The following REV3L variants were observed in gnomAD, a reference collection of about 807,000 sequenced individuals.
The protein encoded by REV3L is DNA polymerase zeta catalytic subunit.
A neutral mutation model predicts 299.4 loss-of-function variants in REV3L; 69 were observed. That is an observed-to-expected ratio of 0.23 (90% confidence interval 0.19 to 0.28). The LOEUF is 0.28. Among genes scored for constraint, REV3L ranks in the 10% least tolerant of loss-of-function variants. The pLI is 1.00. For synonymous variants in REV3L, 1,238 were observed against 1,271.4 expected (o/e 0.97, Z 0.56); for missense variants, 3,128 against 3,693.8 (o/e 0.85, Z 3.97).
chr6:111,304,870 C>A (rs187839476), intron 31 of REV3L, among the ~76,000 whole-genome samples: 4 of 151,452 alleles, frequency 2.6e-5, no homozygotes, highest in African/African-American at 9.7e-5. Flanking sequence ...TCTGTTTCTG[C>A]GTTAATTTGC....
In REV3L at chr6:111,299,397, T is replaced by A. The variant is rs1771225826; in HGVS notation, c.*619A>T. The A allele has an allele frequency of 1.5e-5, 1 of 68,754 alleles. No individual in the cohort carries two copies. The highest frequency in any genetic ancestry group is 4.5e-5 in the Non-Finnish European group (1 of 22,304). 4.3% of individuals were successfully genotyped at this position (68,754 alleles called of 1,614,324 possible). ...CATTAATAGCTAAAGCAAGACAGCA[T>A]TTTTTAAAAAAAAATAATGTTTCAA... On this transcript the variant is annotated 3_prime_UTR_variant, in exon 32 of 32. Coordinates refer to ENST00000368802, the MANE Select transcript of REV3L (RefSeq NM_001372078.1).
intron 4 of REV3L, among the ~76,000 whole-genome samples, chr6:111,397,234 T>TAGGCAC (rs966007741): frequency 1.1e-4 from 17 of 152,200 alleles, no homozygotes; most frequent in African/African-American, 3.4e-4. Context: ...TTTTTTGATA[T>TAGGCAC]AGGCACCTAT....
At chr6:111,307,179 T>A (rs897287692) in intron 31 of REV3L, among the ~76,000 whole-genome samples, 182 bp downstream of exon 31, 1 of 152,212 alleles carries the variant, frequency 6.6e-6, no homozygotes, top group Non-Finnish European at 1.5e-5. Context: ...AAAAATAAAT[T>A]ATAAAACAAA....
Position 111,309,781 on chromosome 6 carries a change from C to T in REV3L, c.9042+72G>A, listed in dbSNP as rs965801730. The T allele has an allele frequency of 5.4e-5, 83 of 1,534,976 alleles. No individual in the cohort carries two copies. In the African/African-American group the frequency reaches 1.1e-3, roughly 21 times the overall value. Reference sequence around the variant, plus strand: ...CTCCCATATCAATAGCACATAAAACCTTTAGTTCTACTGAAAATTTGGAGT... The same window carrying T: ...CTCCCATATCAATAGCACATAAAACTTTTAGTTCTACTGAAAATTTGGAGT... On this transcript the variant is annotated intron_variant, in intron 30 of 31. Transcript: ENST00000368802.
At chr6:111,390,032 C>T (rs535386266) in intron 6 of REV3L, 54 bp downstream of exon 6, 29 of 1,297,660 alleles carry the variant, frequency 2.2e-5, no homozygotes, top group African/African-American at 3.0e-5. Context: ...CCACACCCGC[C>T]GGTCATTAAT....
At chr6:111,326,739 G>A (rs1245657442) in intron 25 of REV3L, among the ~76,000 whole-genome samples, 1 of 151,598 alleles carries the variant, frequency 6.6e-6, no homozygotes, top group East Asian at 1.9e-4. Flanking sequence ...ATGGATAAAG[G>A]AAATGCCATA....
intron 31 of REV3L, among the ~76,000 whole-genome samples, chr6:111,304,602 C>T (rs1225754029): frequency 6.6e-6 from 1 of 150,572 alleles, no homozygotes; most frequent in Non-Finnish European, 1.5e-5. Flanking sequence ...TTATAAATAG[C>T]ATCGCTTTTT....
At chr6:111,351,381 T>A (rs752595988) in intron 19 of REV3L, among the ~76,000 whole-genome samples, 2 of 152,018 alleles carry the variant, frequency 1.3e-5, no homozygotes, top group Admixed American at 6.6e-5. Flanking sequence ...GAAGGAAGCA[T>A]AATAAAAATG....
chr6:111,368,095 TA>T, intron 13 of REV3L, 67 bp from the exon 14 acceptor site: 3 of 1,347,518 alleles, frequency 2.2e-6, no homozygotes, highest in Non-Finnish European at 3.0e-6. Context: ...TTTAACTCCA[TA>T]TCCTAGATAA....
Position 111,358,825 on chromosome 6 carries a change from G to T in REV3L, c.7069C>A (p.Gln2357Lys). 6.2e-7 allele frequency: 1 copy of T among 1,605,892 alleles called. No individual in the cohort carries two copies. The highest frequency in any genetic ancestry group is 1.1e-5 in the South Asian group (1 of 89,904). Residue 2357 changes from glutamine (Q) to lysine (K), a missense_variant, in exon 17 of 32, where the codon CAA becomes AAA. Gln to Lys is a moderately conservative substitution (Grantham distance 53). Coordinates refer to ENST00000368802, the MANE Select transcript of REV3L (RefSeq NM_001372078.1). ...VIDKDKTVFS[Q>K]DIRYQTPLLI... ...CATTAATAAAAATGGACAATACCTT[G>T]ACTGAAAACTGTCTTGTCTTTATCA... is the stretch of plus-strand genomic sequence containing the variant.
chr6:111,400,661 T>C (rs2128268171), intron 4 of REV3L, among the ~76,000 whole-genome samples: 1 of 152,318 alleles, frequency 6.6e-6, no homozygotes, highest in African/African-American at 2.4e-5. Flanking sequence ...AGTCCATGAC[T>C]TGTCTTTTCA....
At chr6:111,306,221 A>G (rs984330592) in intron 31 of REV3L, among the ~76,000 whole-genome samples, 4 of 152,132 alleles carry the variant, frequency 2.6e-5, no homozygotes, top group Non-Finnish European at 5.9e-5. Flanking sequence ...CAGAGGTTTC[A>G]GCTGATTCCT....
rs776336488 is a variant in REV3L, at chr6:111,388,195, A to G, written c.863-110T>C. On this transcript the variant is annotated intron_variant, in intron 7 of 31. Transcript: ENST00000368802. ...GTGGCAATTTCCTATCTTTCTCTAG[A>G]TATACATAATACAACCTAACTGTAG... 4.5e-6 allele frequency: 3 copies of G among 670,982 alleles called. No homozygotes were observed. The Admixed American group carries it at 8.1e-5, about 18-fold the overall frequency. The allele number at this position is 670,982 out of a possible 1,614,324, so 41.6% of individuals were successfully genotyped here. A position where few individuals can be genotyped will look rare whatever the true frequency, so the allele number is the denominator to read the frequency against.
At chr6:111,474,694 ATAAC>A (rs1792695001) in intron 1 of REV3L, among the ~76,000 whole-genome samples, 2 of 152,204 alleles carry the variant, frequency 1.3e-5, no homozygotes, top group Non-Finnish European at 2.9e-5. Flanking sequence ...ATCTCTAACA[ATAAC>A]TAAAGTTAAA....
intron 29 of REV3L, chr6:111,310,595 T>A: frequency 6.4e-6 from 1 of 155,958 alleles, no homozygotes; most frequent in Non-Finnish European, 1.4e-5. Context: ...CAGTGAGCTG[T>A]GATTGCACCA....
chr6:111,317,653 T>C (rs1295366150), intron 26 of REV3L, among the ~76,000 whole-genome samples: 1 of 152,292 alleles, frequency 6.6e-6, no homozygotes, highest in East Asian at 1.9e-4. Flanking sequence ...TTCTGTTATA[T>C]AGGTTTTTTC....
chr6:111,420,001 T>C (rs1352993302), intron 1 of REV3L, among the ~76,000 whole-genome samples: 1 of 152,040 alleles, frequency 6.6e-6, no homozygotes, highest in East Asian at 1.9e-4. Context: ...CCTGCCACCA[T>C]GCCCGGCTAA....
rs531989986 is a variant in REV3L at position 111,449,241 on chromosome 6, T to A, written c.140-32769A>T. 2.9e-4 allele frequency among the ~76,000 whole-genome samples: 44 copies of A among 152,278 alleles called. No individual in the cohort carries two copies. The East Asian group carries it at 7.9e-3, about 27-fold the overall frequency. On this transcript the variant is annotated intron_variant, in intron 1 of 31. Transcript: ENST00000368802. ...ATCCCTGAGAGACGGGAAACAAACA[T>A]TGTAAGTCCTTCTTCAATAGCTCCC...
intron 4 of REV3L, among the ~76,000 whole-genome samples, chr6:111,393,650 G>A (rs2128257919): frequency 6.6e-6 from 1 of 152,056 alleles, no homozygotes; most frequent in East Asian, 1.9e-4. Context: ...GTATCTTCCT[G>A]GAACCCTTCC....
Sources: gnomAD v4.1 joint callset for allele counts (sites outside exome capture counted in the v4.1 genomes callset) on GRCh38, gnomAD v4.1.1 for gene constraint, MANE v1.5 for transcripts, NCBI Gene and HGNC (gene_info 2026-07-23, HGNC 2026-07-21) for gene names.